Variants in ITCH observed in about 807,000 individuals in gnomAD.
ITCH encodes the protein E3 ubiquitin-protein ligase Itchy homolog.
In ITCH, 28 loss-of-function variants were observed where a neutral mutation model predicts 126.8. The ratio of observed to expected loss-of-function variants is 0.22; its 90% CI spans 0.16 to 0.30. The LOEUF (loss-of-function observed/expected upper bound fraction) is 0.30, where lower values mean the gene tolerates loss of function less well. ITCH is among the 10% of genes least tolerant of loss of function. ITCH has a pLI of 1.00. For synonymous variants in ITCH, 342 were observed against 340.0 expected (o/e 1.01, Z -0.06); for missense variants, 631 against 1,032.4 (o/e 0.61, Z 5.33).
At chr20:34,376,449 AAAATAAATACAT>A (rs757379773) in intron 2 of ITCH, among the ~76,000 whole-genome samples, 1 of 151,382 alleles carries the variant, frequency 6.6e-6, no homozygotes, top group Non-Finnish European at 1.5e-5. Context: ...CCGTGTCTCA[AAAATAAATACAT>A]AAATAAATAA....
At chr20:34,503,109 A>AATT (rs2146561863) in intron 23 of ITCH, among the ~76,000 whole-genome samples, 1 of 152,338 alleles carries the variant, frequency 6.6e-6, no homozygotes, top group Admixed American at 6.5e-5. Context: ...GTTTTTTTAT[A>AATT]ACGTTTCCTA....
chr20:34,428,807 C>A (rs762693165), intron 7 of ITCH, among the ~76,000 whole-genome samples: 1 of 152,068 alleles, frequency 6.6e-6, no homozygotes, highest in Non-Finnish European at 1.5e-5. Flanking sequence ...GGTTCTCTAT[C>A]CTGTCCATAA....
At chr20:34,427,780 C>CATA (rs1396632117) in intron 7 of ITCH, among the ~76,000 whole-genome samples, 5 of 152,108 alleles carry the variant, frequency 3.3e-5, no homozygotes, top group Admixed American at 3.3e-4. Context: ...TTGCTTTGGT[C>CATA]ATTTACCTCT....
intron 14 of ITCH, among the ~76,000 whole-genome samples, chr20:34,465,095 A>G (rs1249948053): frequency 6.6e-6 from 1 of 152,218 alleles, no homozygotes; most frequent in East Asian, 1.9e-4. Context: ...GTAAGGGTCC[A>G]ACTTCATCTT....
At chr20:34,442,405 C>A in intron 10 of ITCH, 102 bp downstream of exon 10, 1 of 841,490 alleles carries the variant, frequency 1.2e-6, no homozygotes, top group Non-Finnish European at 2.0e-6. Flanking sequence ...TCTTGTCAGC[C>A]CTTTCTCTGT....
At chr20:34,447,173 ATTT>A (rs11341610) in intron 11 of ITCH, among the ~76,000 whole-genome samples, 7 of 144,820 alleles carry the variant, frequency 4.8e-5, no homozygotes, top group African/African-American at 5.1e-5. Flanking sequence ...AGTCTTTGGA[ATTT>A]TTTTTTTTTT....
chr20:34,504,289 C>A, intron 23 of ITCH, 42 bp from the exon 24 acceptor site: 1 of 1,417,682 alleles, frequency 7.1e-7, no homozygotes, highest in South Asian at 1.1e-5. Flanking sequence ...AGTTTGAGAT[C>A]CACTATACTA....
chr20:34,458,613 G>A (rs1242685464), intron 13 of ITCH, among the ~76,000 whole-genome samples: 2 of 152,168 alleles, frequency 1.3e-5, no homozygotes, highest in Admixed American at 6.5e-5. Context: ...TTGAGATCAC[G>A]ATGTCAGCAG....
intron 2 of ITCH, among the ~76,000 whole-genome samples, chr20:34,369,756 C>G (rs1487381251): frequency 6.6e-6 from 1 of 152,122 alleles, no homozygotes; most frequent in Non-Finnish European, 1.5e-5. Context: ...ACGTTTATCT[C>G]TGTATACTAT....
chr20:34,480,573 A>G, intron 18 of ITCH, 26 bp from the exon 19 acceptor site: 5 of 1,611,266 alleles, frequency 3.1e-6, no homozygotes, highest in Non-Finnish European at 4.2e-6. Context: ...AGTTATTTTA[A>G]GCGGTCTTGT....
chr20:34,419,919 C>CA (rs1555866684), intron 6 of ITCH, among the ~76,000 whole-genome samples: 4 of 145,036 alleles, frequency 2.8e-5, no homozygotes, highest in Non-Finnish European at 4.6e-5. Context: ...ATTTGCTTAG[C>CA]TTTTTTTTTT....
At chr20:34,492,461 A>G (rs1989583541) in intron 22 of ITCH, 40 bp from the exon 23 acceptor site, 1 of 1,162,382 alleles carries the variant, frequency 8.6e-7, no homozygotes. Context: ...GCTGAATGTA[A>G]CATATGACAT....
intron 3 of ITCH, among the ~76,000 whole-genome samples, chr20:34,395,566 G>A (rs1374502732): frequency 2.6e-5 from 4 of 152,036 alleles, no homozygotes; most frequent in Non-Finnish European, 5.9e-5. Flanking sequence ...AAATAATTTC[G>A]TCCTTCCAAA....
At chr20:34,379,594 C>CTT (rs757940621) in intron 2 of ITCH, among the ~76,000 whole-genome samples, 8 of 135,530 alleles carry the variant, frequency 5.9e-5, no homozygotes, top group Admixed American at 1.5e-4. Context: ...AATATTTGTC[C>CTT]TTTTTTTTTT....
At chr20:34,501,394 A>G (rs188208700) in intron 23 of ITCH, among the ~76,000 whole-genome samples, 29 of 152,300 alleles carry the variant, frequency 1.9e-4, no homozygotes, top group Admixed American at 3.3e-4. Context: ...GGGGACAACT[A>G]TGTTAGAAGA....
At chr20:34,424,547 A>G in intron 7 of ITCH, 22 bp downstream of exon 7, 2 of 1,595,360 alleles carry the variant, frequency 1.3e-6, no homozygotes, top group Non-Finnish European at 1.7e-6. Context: ...CTGATTGCTT[A>G]CCACAGAATG....
At chr20:34,472,590 T>A (rs1235616587) in intron 16 of ITCH, among the ~76,000 whole-genome samples, 7 of 152,242 alleles carry the variant, frequency 4.6e-5, no homozygotes, top group Admixed American at 1.3e-4. Flanking sequence ...CCAGTGGTAT[T>A]GTAGCAACTA....
intron 17 of ITCH, among the ~76,000 whole-genome samples, chr20:34,478,496 C>T (rs576013525): frequency 3.9e-5 from 6 of 152,184 alleles, no homozygotes; most frequent in Non-Finnish European, 8.8e-5. Flanking sequence ...TAAAAATTTG[C>T]GTAGAGCTGG....
Position 34,465,840 on chromosome 20 carries a change from T to C in ITCH, c.1424+3619T>C, listed in dbSNP as rs901024965. Among the ~76,000 whole-genome samples the C allele has an allele frequency of 2.6e-5, 4 of 152,152 alleles. No individual in the cohort carries two copies. In the South Asian group the frequency reaches 8.3e-4, roughly 31 times the overall value. On this transcript the variant is annotated intron_variant, in intron 14 of 24. Transcript: ENST00000374864. ...TTAGTGTTTTCTTCGTAAAAGATCT[T>C]AGCTTCTGAAAACAGATAAGTTTTC...
Sources: gnomAD v4.1 joint callset for allele counts (sites outside exome capture counted in the v4.1 genomes callset) on GRCh38, gnomAD v4.1.1 for gene constraint, MANE v1.5 for transcripts, NCBI Gene and HGNC (gene_info 2026-07-23, HGNC 2026-07-21) for gene names.